The following CEP63 variants were observed in gnomAD, a reference collection of about 807,000 sequenced individuals.
The protein encoded by CEP63 is centrosomal protein 63, also known as centrosomal protein of 63 kDa.
Under a neutral mutation model 89.1 loss-of-function variants are expected in CEP63, and 84 were observed. That is an observed-to-expected ratio of 0.94 (90% confidence interval 0.79 to 1.13). The LOEUF (loss-of-function observed/expected upper bound fraction) is 1.13. Ranked by LOEUF, CEP63 falls within the 50% of genes most tolerant of loss-of-function variation. The pLI is 0.00. For synonymous variants in CEP63, 267 were observed against 272.5 expected (o/e 0.98, Z 0.20); for missense variants, 838 against 813.3 (o/e 1.03, Z -0.37).
chr3:134,487,811 A>G (rs1249306243), intron 1 of CEP63, among the ~76,000 whole-genome samples: 2 of 152,224 alleles, frequency 1.3e-5, no homozygotes, highest in African/African-American at 2.4e-5. Flanking sequence ...TCTTTTTACA[A>G]TTAGCTTGTT....
the CEP63 span, among the ~76,000 whole-genome samples, chr3:134,654,385 C>G: frequency 1.3e-5 from 2 of 152,178 alleles, no homozygotes; most frequent in African/African-American, 4.8e-5. Context: ...AGGCAAGTTT[C>G]TCTCTTCTCT....
At chr3:134,649,693 C>A in the CEP63 span, among the ~76,000 whole-genome samples, 2 of 152,356 alleles carry the variant, frequency 1.3e-5, no homozygotes, top group African/African-American at 4.8e-5. Context: ...GATTCTGTTT[C>A]TTTCCCCTGC....
At chr3:134,778,097 CTTTTT>C in the CEP63 span, among the ~76,000 whole-genome samples, 5 of 132,398 alleles carry the variant, frequency 3.8e-5, no homozygotes, top group Admixed American at 7.5e-5. Flanking sequence ...TTCCACGTCA[CTTTTT>C]TTTTTTTTTT....
At position 134,545,620 on chromosome 3, in the gene CEP63, CTG is replaced by C. The variant is rs767404897; in HGVS notation, c.593_594del (p.Val198GlyfsTer4). On this transcript the variant is annotated frameshift_variant, in exon 7 of 15. Transcript: ENST00000675561. LOFTEE classifies it high-confidence loss of function. ...GTCAATCGGAAACAGAAATTAGAGT[CTG>C]TGGAACTTTCTAGCCAATCAGAAAT... The C allele has an allele frequency of 1.2e-6, 2 of 1,614,086 alleles. No individual in the cohort carries two copies. Among genetic ancestry groups the C allele is most frequent in the Non-Finnish European group, 1.7e-6 (2 of 1,179,980 alleles).
Position 134,561,685 on chromosome 3 carries a change from T to C in CEP63, c.*150T>C, listed in dbSNP as rs1957362808. The C allele has an allele frequency of 2.7e-6, 4 of 1,460,780 alleles. No homozygotes were observed. The Admixed American group carries it at 1.0e-4, about 38-fold the overall frequency. 90.5% of individuals were successfully genotyped at this position (1,460,780 alleles called of 1,614,324 possible). A position where few individuals can be genotyped will look rare whatever the true frequency, so the allele number is the denominator to read the frequency against. ...GTGAAGAAAGCTGAAAAACTGATAC[T>C]TTTGATAGGCATTTTCTCTGCACTG... On this transcript the variant is annotated 3_prime_UTR_variant, in exon 15 of 15. Coordinates refer to ENST00000675561, the MANE Select transcript of CEP63 (RefSeq NM_001353108.3).
the CEP63 span, among the ~76,000 whole-genome samples, chr3:134,687,416 G>C: frequency 6.6e-6 from 1 of 152,198 alleles, no homozygotes; most frequent in Non-Finnish European, 1.5e-5. Context: ...TGAACGTGCA[G>C]CTTATTGCCT....
the CEP63 span, among the ~76,000 whole-genome samples, chr3:134,689,599 C>T: frequency 6.2e-4 from 95 of 152,042 alleles, no homozygotes; most frequent in African/African-American, 2.2e-3. Context: ...CTACAGGAGC[C>T]TGCCACCACG....
Position 134,532,822 on chromosome 3 carries a change from A to G in CEP63, c.363A>G (p.Gln121=). 6.2e-7 allele frequency: 1 copy of G among 1,612,486 alleles called. No homozygotes were observed. The highest frequency in any genetic ancestry group is 1.7e-4 in the Middle Eastern group (1 of 6,056). ...GCTATGAAAAGCTTCAGAAAAAGCA[A>G]ATGAGGGAATTCAGAGGAAATACCA... ...KRSYEKLQKK[Q]MREFRGNTKN... Residue 121 remains glutamine, a synonymous_variant, in exon 5 of 15, where the codon CAA becomes CAG. Transcript: ENST00000675561.
At chr3:134,623,200 C>T in the CEP63 span, among the ~76,000 whole-genome samples, 10 of 152,220 alleles carry the variant, frequency 6.6e-5, no homozygotes, top group African/African-American at 2.4e-4. Flanking sequence ...TCTGGCCACT[C>T]CCTGCTCTGT....
the CEP63 span, among the ~76,000 whole-genome samples, chr3:134,653,041 G>A: frequency 1.3e-5 from 2 of 152,190 alleles, no homozygotes. Context: ...AACTGCCTCT[G>A]GAGAAGGATA....
the CEP63 span, among the ~76,000 whole-genome samples, chr3:134,669,025 C>CA: frequency 2.0e-5 from 3 of 148,102 alleles, no homozygotes; most frequent in Non-Finnish European, 3.0e-5. Flanking sequence ...CTTCTTCTTC[C>CA]TTTTTTTTTT....
chr3:134,726,932 T>C, the CEP63 span, among the ~76,000 whole-genome samples: 3 of 152,090 alleles, frequency 2.0e-5, no homozygotes, highest in Non-Finnish European at 4.4e-5. Context: ...AAGCACTTAT[T>C]TTTTAAAAGC....
At chr3:134,700,574 T>C in the CEP63 span, among the ~76,000 whole-genome samples, 1 of 152,190 alleles carries the variant, frequency 6.6e-6, no homozygotes, top group Non-Finnish European at 1.5e-5. Flanking sequence ...TAGTTATTTT[T>C]TTTTTACTGA....
At chr3:134,693,967 A>G in the CEP63 span, among the ~76,000 whole-genome samples, 1 of 152,210 alleles carries the variant, frequency 6.6e-6, no homozygotes, top group African/African-American at 2.4e-5. Context: ...GTGGAAGGCA[A>G]TGGCATCCTG....
At chr3:134,494,710 G>T (rs1939125607) in intron 1 of CEP63, among the ~76,000 whole-genome samples, 1 of 152,100 alleles carries the variant, frequency 6.6e-6, no homozygotes, top group African/African-American at 2.4e-5. Context: ...TCCTATGAAA[G>T]AACGTATTAA....
intron 12 of CEP63, among the ~76,000 whole-genome samples, chr3:134,555,726 C>G (rs1176281373): frequency 6.6e-6 from 1 of 151,238 alleles, no homozygotes; most frequent in Non-Finnish European, 1.5e-5. Flanking sequence ...TCAATGCCAT[C>G]CCCATCAAGC....
chr3:134,754,040 C>T, the CEP63 span, among the ~76,000 whole-genome samples: 1 of 152,206 alleles, frequency 6.6e-6, no homozygotes, highest in Non-Finnish European at 1.5e-5. Flanking sequence ...TACAATGTCC[C>T]TTTATACATT....
chr3:134,669,413 C>G, the CEP63 span, among the ~76,000 whole-genome samples: 1 of 152,118 alleles, frequency 6.6e-6, no homozygotes, highest in Non-Finnish European at 1.5e-5. Flanking sequence ...CCACTCCCTC[C>G]GCCCTGATAC....
At chr3:134,724,525 C>A in the CEP63 span, among the ~76,000 whole-genome samples, 6 of 152,208 alleles carry the variant, frequency 3.9e-5, no homozygotes, top group African/African-American at 1.4e-4. Flanking sequence ...TGGCACCCAG[C>A]TCCAGAAGTA....
Sources: gnomAD v4.1 joint callset for allele counts (sites outside exome capture counted in the v4.1 genomes callset) on GRCh38, gnomAD v4.1.1 for gene constraint, MANE v1.5 for transcripts, NCBI Gene and HGNC (gene_info 2026-07-23, HGNC 2026-07-21) for gene names.